The following PPP3CA variants were observed in gnomAD, a reference collection of about 807,000 sequenced individuals.
PPP3CA encodes the protein CAM-PRP catalytic subunit.
PPP3CA carries 14 observed loss-of-function variants against 66.5 expected under a neutral mutation model. That is an observed-to-expected ratio of 0.21 (90% CI 0.14 to 0.33). The LOEUF is 0.33. Among genes scored for constraint, PPP3CA ranks in the 10% least tolerant of loss-of-function variants. PPP3CA has a pLI of 1.00. For missense variants in PPP3CA, 317 were observed against 639.5 expected, an observed-to-expected ratio of 0.50 and a Z score of 5.44; for synonymous variants, 232 against 226.2, an observed-to-expected ratio of 1.03 and a Z score of -0.23.
chr4:101,119,447 G>A (rs1376325019), intron 2 of PPP3CA, among the ~76,000 whole-genome samples: 4 of 151,932 alleles, frequency 2.6e-5, no homozygotes, highest in Non-Finnish European at 1.5e-5. Context: ...TCAAAAGCTG[G>A]AAGTGACGGA....
chr4:101,056,016 T>TA (rs1237669413), intron 10 of PPP3CA, among the ~76,000 whole-genome samples: 1 of 152,104 alleles, frequency 6.6e-6, no homozygotes, highest in Admixed American at 6.6e-5. Context: ...TTGTTTGTTT[T>TA]AAAAAAATCA....
At chr4:101,113,188 T>C (rs1293865732) in intron 2 of PPP3CA, among the ~76,000 whole-genome samples, 1 of 152,138 alleles carries the variant, frequency 6.6e-6, no homozygotes, top group African/African-American at 2.4e-5. Context: ...ATGGTTGTTT[T>C]CCCACCTAAC....
chr4:101,210,609 T>C (rs1169565665), intron 1 of PPP3CA, among the ~76,000 whole-genome samples: 1 of 152,148 alleles, frequency 6.6e-6, no homozygotes, highest in Non-Finnish European at 1.5e-5. Flanking sequence ...TAATCATCCC[T>C]ATTCAAATAG....
intron 2 of PPP3CA, among the ~76,000 whole-genome samples, chr4:101,144,100 C>T (rs1722891774): frequency 1.3e-5 from 2 of 152,206 alleles, no homozygotes. Context: ...GCTGTTGCCA[C>T]TATGTCTGTC....
intron 6 of PPP3CA, among the ~76,000 whole-genome samples, chr4:101,092,597 C>T (rs1315060067): frequency 6.6e-6 from 1 of 152,020 alleles, no homozygotes; most frequent in East Asian, 1.9e-4. Context: ...GCCCCCCACC[C>T]CCTGACAGGC....
At chr4:101,194,084 T>TTA (rs1212836033) in intron 2 of PPP3CA, among the ~76,000 whole-genome samples, 1 of 152,166 alleles carries the variant, frequency 6.6e-6, no homozygotes, top group Non-Finnish European at 1.5e-5. Context: ...ACAGAGTAAG[T>TTA]CTCTGGCTTG....
chr4:101,164,471 C>A (rs114060431), intron 2 of PPP3CA, among the ~76,000 whole-genome samples: 1,722 of 151,736 alleles, frequency 0.011, 17 homozygotes, highest in Non-Finnish European at 0.019. Flanking sequence ...CTAAATGAAT[C>A]AATTGTTTTG....
chr4:101,295,887 G>A (rs140704331), intron 1 of PPP3CA, among the ~76,000 whole-genome samples: 191 of 152,306 alleles, frequency 1.3e-3, no homozygotes, highest in African/African-American at 4.5e-3. Flanking sequence ...TAGAGAGTGA[G>A]ATATTTTATT....
At chr4:101,250,399 A>G (rs557703609) in intron 1 of PPP3CA, 2 of 453,662 alleles carry the variant, frequency 4.4e-6, no homozygotes, top group South Asian at 3.1e-5. Flanking sequence ...AATAATGAGT[A>G]TTTCATATGT....
intron 2 of PPP3CA, among the ~76,000 whole-genome samples, chr4:101,150,200 T>A (rs755482088): frequency 1.3e-5 from 2 of 152,184 alleles, no homozygotes; most frequent in Admixed American, 6.5e-5. Flanking sequence ...AGGCCCATCA[T>A]TATTAAAAAT....
chr4:101,287,945 AT>A (rs143634841), intron 1 of PPP3CA, among the ~76,000 whole-genome samples: 9 of 152,020 alleles, frequency 5.9e-5, no homozygotes, highest in African/African-American at 2.2e-4. Context: ...GCATCATACC[AT>A]TTTTTTCCTT....
intron 11 of PPP3CA, among the ~76,000 whole-genome samples, chr4:101,037,702 G>A (rs1340019278): frequency 6.6e-6 from 1 of 151,986 alleles, no homozygotes; most frequent in Non-Finnish European, 1.5e-5. Context: ...ATGGGTTAGA[G>A]CATGCCTCTA....
chr4:101,337,490 G>C (rs926237772), intron 1 of PPP3CA, among the ~76,000 whole-genome samples: 4 of 152,186 alleles, frequency 2.6e-5, no homozygotes, highest in African/African-American at 4.8e-5. Context: ...AGAGTACTCA[G>C]GGAGAATTCT....
intron 1 of PPP3CA, among the ~76,000 whole-genome samples, chr4:101,248,390 G>C (rs748694398): frequency 6.6e-6 from 1 of 152,066 alleles, no homozygotes; most frequent in Non-Finnish European, 1.5e-5. Flanking sequence ...TGGAATAAAT[G>C]GCAATTTTTG....
chr4:101,292,901 T>C (rs950153753), intron 1 of PPP3CA, among the ~76,000 whole-genome samples: 3 of 152,244 alleles, frequency 2.0e-5, no homozygotes, highest in African/African-American at 7.2e-5. Context: ...CAATCTTATG[T>C]ACTATATCAC....
intron 1 of PPP3CA, among the ~76,000 whole-genome samples, chr4:101,240,039 T>TG (rs1252595684): frequency 2.9e-5 from 2 of 70,096 alleles, no homozygotes; most frequent in South Asian, 4.7e-4. Context: ...GGTTTTTTTT[T>TG]GGGGGGAGCG....
intron 5 of PPP3CA, among the ~76,000 whole-genome samples, chr4:101,094,602 C>T (rs1730112343): frequency 1.3e-5 from 2 of 152,122 alleles, no homozygotes; most frequent in South Asian, 2.1e-4. Flanking sequence ...AAAATAAACT[C>T]AACTTTAGCG....
At chr4:101,257,685 A>G (rs1183495012) in intron 1 of PPP3CA, among the ~76,000 whole-genome samples, 1 of 152,074 alleles carries the variant, frequency 6.6e-6, no homozygotes, top group Non-Finnish European at 1.5e-5. Flanking sequence ...TTACACAGAG[A>G]TGAGAGAAAA....
chr4:101,122,138 A>G (rs1006063861), intron 2 of PPP3CA, among the ~76,000 whole-genome samples: 4 of 152,168 alleles, frequency 2.6e-5, no homozygotes, highest in African/African-American at 9.7e-5. Context: ...TATGACAAAT[A>G]TGACTCTTTC....
Sources: allele counts gnomAD v4.1 joint callset (sites outside exome capture counted in the v4.1 genomes callset), GRCh38; gene constraint gnomAD v4.1.1; transcripts MANE v1.5; gene names NCBI Gene and HGNC (gene_info 2026-07-23, HGNC 2026-07-21).